The following CCDC83 variants were observed in gnomAD, a reference collection of about 807,000 sequenced individuals.
CCDC83 encodes coiled-coil domain containing 83, also known as coiled-coil domain-containing protein 83.
CCDC83 carries 54 observed loss-of-function variants against 50.1 expected under a neutral mutation model. The ratio of observed to expected loss-of-function variants is 1.08; its 90% CI spans 0.87 to 1.35. CCDC83 has a LOEUF of 1.35. CCDC83 is among the 40% of genes most tolerant of loss of function. The pLI is 0.00. For synonymous variants in CCDC83, 161 were observed against 153.3 expected (o/e 1.05, Z -0.37); for missense variants, 518 against 473.9 (o/e 1.09, Z -0.86).
intron 1 of CCDC83, among the ~76,000 whole-genome samples, chr11:85,862,133 G>A (rs1167279987): frequency 6.6e-6 from 1 of 152,002 alleles, no homozygotes; most frequent in Non-Finnish European, 1.5e-5. Context: ...AGCAGTATGG[G>A]ATAACTACAT....
rs139431484 is a variant in CCDC83, at chr11:85,887,266, C to T, written c.511+899C>T. On this transcript the variant is annotated intron_variant, in intron 5 of 10. Transcript: ENST00000342404. Reference sequence around the variant, plus strand: ...AGGCAAGCATAGCAGCTTAAAAGAACACCAGAGACCCAGACACAGAAGAAT... The same window carrying T: ...AGGCAAGCATAGCAGCTTAAAAGAATACCAGAGACCCAGACACAGAAGAAT... Among the ~76,000 whole-genome samples the T allele has an allele frequency of 5.3e-5, 8 of 152,278 alleles. No individual in the cohort carries two copies. In the East Asian group the frequency reaches 1.4e-3, roughly 26 times the overall value.
chr11:85,881,340 G>A (rs925623727), intron 3 of CCDC83, among the ~76,000 whole-genome samples: 2 of 151,704 alleles, frequency 1.3e-5, no homozygotes, highest in South Asian at 2.1e-4. Flanking sequence ...ACCACTGCAC[G>A]CCAGCCTTGG....
At chr11:85,890,230 C>T (rs55808919) in intron 5 of CCDC83, among the ~76,000 whole-genome samples, 105 of 152,234 alleles carry the variant, frequency 6.9e-4, no homozygotes, top group Non-Finnish European at 1.3e-3. Flanking sequence ...AGGAGCTAAC[C>T]GCACTGACAG....
intron 1 of CCDC83, among the ~76,000 whole-genome samples, chr11:85,861,429 A>G (rs2093175604): frequency 6.6e-6 from 1 of 152,206 alleles, no homozygotes; most frequent in South Asian, 2.1e-4. Context: ...CTGAGCCACA[A>G]CTAGACTTCA....
intron 1 of CCDC83, among the ~76,000 whole-genome samples, chr11:85,862,881 G>A (rs369502649): frequency 6.6e-6 from 1 of 152,224 alleles, no homozygotes; most frequent in African/African-American, 2.4e-5. Flanking sequence ...CTTAAAGTGT[G>A]TGAAACAATG....
At chr11:85,904,015 TA>T (rs1416160267) in intron 7 of CCDC83, among the ~76,000 whole-genome samples, 1 of 151,330 alleles carries the variant, frequency 6.6e-6, no homozygotes, top group African/African-American at 2.4e-5. Context: ...TTAAATAAAA[TA>T]AAAAATTAAT....
At chr11:85,862,341 G>A (rs563681936) in intron 1 of CCDC83, among the ~76,000 whole-genome samples, 1 of 152,238 alleles carries the variant, frequency 6.6e-6, no homozygotes, top group East Asian at 1.9e-4. Context: ...ATGTTTTAGA[G>A]ACCTCAGACA....
chr11:85,872,206 C>T (rs1357402309), intron 2 of CCDC83, among the ~76,000 whole-genome samples: 4 of 152,048 alleles, frequency 2.6e-5, no homozygotes, highest in South Asian at 2.1e-4. Flanking sequence ...ACCTGCTGGC[C>T]GGGCACGGTG....
chr11:85,867,832 A>T (rs997991304), intron 2 of CCDC83, among the ~76,000 whole-genome samples: 4 of 152,206 alleles, frequency 2.6e-5, no homozygotes, highest in Non-Finnish European at 5.9e-5. Flanking sequence ...TGAACATCTC[A>T]TACCCTTGTT....
chr11:85,879,968 T>C (rs548470264), intron 3 of CCDC83, among the ~76,000 whole-genome samples: 39 of 152,326 alleles, frequency 2.6e-4, no homozygotes, highest in Non-Finnish European at 3.8e-4. Context: ...TCTCTATGCC[T>C]ACCCCTCTGT....
intron 3 of CCDC83, among the ~76,000 whole-genome samples, chr11:85,873,751 T>G (rs1471204402): frequency 6.6e-6 from 1 of 152,188 alleles, no homozygotes; most frequent in Non-Finnish European, 1.5e-5. Context: ...TGATATACTG[T>G]TTTTATAAAA....
chr11:85,863,551 G>C (rs1330714474), intron 1 of CCDC83, among the ~76,000 whole-genome samples: 1 of 152,236 alleles, frequency 6.6e-6, no homozygotes, highest in Non-Finnish European at 1.5e-5. Flanking sequence ...AGCATACAGA[G>C]TAGTGCAAAC....
At chr11:85,911,178 A>G in intron 7 of CCDC83, 103 bp from the exon 8 acceptor site, 4 of 836,630 alleles carry the variant, frequency 4.8e-6, no homozygotes, top group Non-Finnish European at 6.4e-6. Flanking sequence ...TCTCAAATAA[A>G]AAAAAAAAAA....
intron 7 of CCDC83, among the ~76,000 whole-genome samples, chr11:85,903,518 G>A (rs1330907835): frequency 6.6e-6 from 1 of 151,778 alleles, no homozygotes; most frequent in Non-Finnish European, 1.5e-5. Context: ...GACCAGGCTG[G>A]TCTTGAATTC....
rs1401993060 is a variant in CCDC83 at position 85,919,450 on chromosome 11, T to TA, written c.1185dup (p.Asp396ArgfsTer12). ...AGAAGGAAATTCCAGTCAAACTCTA[T>TA]AAAGATGTCAGGAGCCCAGAAAGCC... On this transcript the variant is annotated frameshift_variant, in exon 11 of 11. Coordinates refer to ENST00000342404, the MANE Select transcript of CCDC83 (RefSeq NM_001286159.2). LOFTEE classifies it high-confidence loss of function. 1 of 1,613,018 alleles carries TA rather than the reference T, an allele frequency of 6.2e-7. No homozygotes were observed. The highest frequency in any genetic ancestry group is 1.1e-5 in the South Asian group (1 of 91,024).
chr11:85,913,293 C>G (rs1214534764), intron 8 of CCDC83, among the ~76,000 whole-genome samples: 1 of 152,292 alleles, frequency 6.6e-6, no homozygotes, highest in Non-Finnish European at 1.5e-5. Context: ...CTTTTGATTA[C>G]TTATTTAATG....
intron 3 of CCDC83, among the ~76,000 whole-genome samples, chr11:85,881,266 G>C (rs753107545): frequency 6.6e-6 from 1 of 151,904 alleles, no homozygotes. Flanking sequence ...CCAGCTACTT[G>C]GGAGGCTGAG....
At chr11:85,894,636 C>T (rs1342782156) in intron 5 of CCDC83, among the ~76,000 whole-genome samples, 1 of 152,212 alleles carries the variant, frequency 6.6e-6, no homozygotes, top group Admixed American at 6.5e-5. Flanking sequence ...TATGATCTGG[C>T]TTCCCCATTA....
At chr11:85,873,847 G>T (rs1490757785) in intron 3 of CCDC83, among the ~76,000 whole-genome samples, 4 of 152,206 alleles carry the variant, frequency 2.6e-5, no homozygotes, top group Admixed American at 6.5e-5. Flanking sequence ...AGCAATCAAT[G>T]ATAATTAACA....
Sources: allele counts gnomAD v4.1 joint callset (sites outside exome capture counted in the v4.1 genomes callset), GRCh38; gene constraint gnomAD v4.1.1; transcripts MANE v1.5; gene names NCBI Gene and HGNC (gene_info 2026-07-23, HGNC 2026-07-21).